OPA1: variants seen among roughly 807,000 people sequenced by gnomAD.
The protein encoded by OPA1 is OPA1 mitochondrial dynamin like GTPase.
A neutral mutation model predicts 152.9 loss-of-function variants in OPA1; 59 were observed. The observed-to-expected ratio is 0.39, with a 90% CI of 0.31 to 0.48. The LOEUF (loss-of-function observed/expected upper bound fraction) is 0.48. OPA1 is among the 20% of genes least tolerant of loss of function. The probability of loss-of-function intolerance (pLI) is 0.96; values close to 1 mark genes in which losing one functional copy is unlikely to be tolerated. For synonymous variants in OPA1, 400 were observed against 389.9 expected (o/e 1.03, Z -0.31); for missense variants, 1,008 against 1,216.8 (o/e 0.83, Z 2.55).
Position 193,645,561 on chromosome 3 carries a change from G to C in OPA1, c.1617G>C (p.Gln539His). 1 of 1,612,014 alleles carries C rather than the reference G, an allele frequency of 6.2e-7. No individual in the cohort carries two copies. Among genetic ancestry groups the C allele is most frequent in the South Asian group, 1.1e-5 (1 of 90,954 alleles). Residue 539 changes from glutamine to histidine, a missense_variant, in exon 17 of 31, where the codon CAG becomes CAC. By Grantham distance (24) the Gln-to-His change is conservative. Around this residue, in one of 7 missense-constraint regions of OPA1, gnomAD observed 213 missense variants for 291.4 expected, o/e 0.73. Transcript: ENST00000361510. ...KNVASPSRIQQIIEGKLFPMK... is the reference protein window; with the variant it reads ...KNVASPSRIQHIIEGKLFPMK... ...CCCACTTTTAAAAATAGATTCAGCA[G>C]ATAATTGAAGGAAAGCTCTTCCCAA...
intron 16 of OPA1, 101 bp downstream of exon 16, chr3:193,644,206 AC>A: frequency 1.5e-6 from 2 of 1,318,304 alleles, no homozygotes; most frequent in Admixed American, 1.7e-5. Flanking sequence ...ACAAAAAAAC[AC>A]CTTACAACTA....
chr3:193,662,727 T>C, intron 25 of OPA1, 95 bp from the exon 26 acceptor site: 1 of 978,392 alleles, frequency 1.0e-6, no homozygotes, highest in Admixed American at 2.2e-5. Context: ...TGTTATCTTT[T>C]ATGCAATAGT....
chr3:193,655,014 A>G lies in OPA1; in HGVS notation c.2165A>G (p.Asn722Ser), dbSNP rs745367183. Residue 722 changes from asparagine to serine, a missense_variant, in exon 22 of 31, where the codon AAT (asparagine) becomes AGT (serine). By Grantham distance (46) the Asn-to-Ser change is conservative. Around this residue, in one of 7 missense-constraint regions of OPA1, gnomAD observed 229 missense variants for 269.0 expected, o/e 0.85. Coordinates refer to ENST00000361510, the MANE Select transcript of OPA1 (RefSeq NM_130837.3). ...LKQWTDKQLPNKAVEVAWETL... is the reference protein window; with the variant it reads ...LKQWTDKQLPSKAVEVAWETL... The stretch of plus-strand genomic sequence containing the variant: ...CAGTGGACTGATAAACAACTTCCTA[A>G]TAAAGCAGTAGAGGTTAGGATATAA... 1 of 1,613,850 alleles carries G rather than the reference A, an allele frequency of 6.2e-7. No homozygotes were observed. Among genetic ancestry groups the G allele is most frequent in the Non-Finnish European group, 8.5e-7 (1 of 1,179,844 alleles).
chr3:193,596,880 G>C (rs994452086), intron 1 of OPA1: 3 of 152,200 alleles, frequency 2.0e-5, no homozygotes, highest in African/African-American at 7.2e-5. Context: ...ACAGGCTGCG[G>C]CTTGTGAATT....
chr3:193,638,746 C>A (rs987736215), intron 11 of OPA1, among the ~76,000 whole-genome samples: 1 of 152,148 alleles, frequency 6.6e-6, no homozygotes, highest in Non-Finnish European at 1.5e-5. Flanking sequence ...TAGGATTTGA[C>A]ATTTTCAGCT....
chr3:193,599,463 C>T (rs1726133644), intron 1 of OPA1, among the ~76,000 whole-genome samples: 3 of 149,286 alleles, frequency 2.0e-5, no homozygotes, highest in Admixed American at 1.3e-4. Context: ...ATTTATTAAA[C>T]CTCCATCACA....
intron 30 of OPA1, 39 bp downstream of exon 30, chr3:193,692,171 A>G (rs1458266265): frequency 9.7e-7 from 1 of 1,033,686 alleles, no homozygotes. Context: ...TGCTGACTAA[A>G]TACAAAATTA....
At chr3:193,667,827 A>G (rs1393325295) in intron 29 of OPA1, among the ~76,000 whole-genome samples, 1 of 152,194 alleles carries the variant, frequency 6.6e-6, no homozygotes, top group Non-Finnish European at 1.5e-5. Flanking sequence ...GATAAATTAC[A>G]ATATCTAATT....
chr3:193,619,304 A>G (rs536845523), intron 6 of OPA1, among the ~76,000 whole-genome samples: 5 of 152,304 alleles, frequency 3.3e-5, no homozygotes, highest in South Asian at 2.1e-4. Flanking sequence ...TGAATTTCCA[A>G]GGAGTCAAAG....
intron 1 of OPA1, among the ~76,000 whole-genome samples, chr3:193,599,539 G>T (rs1044498270): frequency 2.0e-5 from 3 of 151,984 alleles, no homozygotes; most frequent in Non-Finnish European, 4.4e-5. Flanking sequence ...GGAGGAAGTG[G>T]CAGGGAGTCC....
At position 193,668,272 on chromosome 3, in the gene OPA1, A is replaced by G. The variant is rs761142169; in HGVS notation, c.2983+992A>G. On this transcript the variant is annotated intron_variant, in intron 29 of 30. Transcript: ENST00000361510. Reference sequence around the variant, plus strand: ...TTCATATTTTGGTCAGTCCTCCTATACGTAACCCAACTTGAATGAAGATAT... The same window carrying G: ...TTCATATTTTGGTCAGTCCTCCTATGCGTAACCCAACTTGAATGAAGATAT... 4 of 1,459,376 alleles carry G rather than the reference A, an allele frequency of 2.7e-6. No individual in the cohort carries two copies. The South Asian group carries it at 5.0e-5, about 18-fold the overall frequency. The allele number at this position is 1,459,376 out of a possible 1,614,324, so 90.4% of individuals were successfully genotyped here.
intron 1 of OPA1, among the ~76,000 whole-genome samples, chr3:193,610,629 C>A (rs1577142531): frequency 6.6e-6 from 1 of 152,224 alleles, no homozygotes; most frequent in Non-Finnish European, 1.5e-5. Context: ...GCCCTGCCTG[C>A]AGAGGTGGAG....
At chr3:193,594,756 T>A (rs546209268) in intron 1 of OPA1, among the ~76,000 whole-genome samples, 1 of 152,184 alleles carries the variant, frequency 6.6e-6, no homozygotes, top group Non-Finnish European at 1.5e-5. Flanking sequence ...TAGTTAACAG[T>A]GTTAGTCAGT....
chr3:193,619,001 T>C, intron 6 of OPA1, 65 bp downstream of exon 6: 1 of 1,256,270 alleles, frequency 8.0e-7, no homozygotes, highest in South Asian at 1.2e-5. Flanking sequence ...TTTTACTTCT[T>C]TGGAAGATTT....
At chr3:193,680,128 A>G (rs924535892) in intron 29 of OPA1, among the ~76,000 whole-genome samples, 8 of 152,216 alleles carry the variant, frequency 5.3e-5, no homozygotes, top group African/African-American at 1.9e-4. Context: ...CTAATTCATA[A>G]TTTTATTAAA....
At chr3:193,593,487 A>C in intron 1 of OPA1, 78 bp downstream of exon 1, 1 of 1,363,536 alleles carries the variant, frequency 7.3e-7, no homozygotes, top group Non-Finnish European at 9.7e-7. Context: ...TATCTCCAAA[A>C]ATGTGCAGGT....
At chr3:193,611,146 C>G (rs1577144519) in intron 1 of OPA1, among the ~76,000 whole-genome samples, 1 of 152,214 alleles carries the variant, frequency 6.6e-6, no homozygotes, top group Non-Finnish European at 1.5e-5. Context: ...GAGCTGTAGA[C>G]TGGAGCTGTT....
chr3:193,677,779 A>G (rs181617658), intron 29 of OPA1, among the ~76,000 whole-genome samples: 242 of 152,304 alleles, frequency 1.6e-3, no homozygotes, highest in African/African-American at 5.3e-3. Flanking sequence ...TAATTATCCT[A>G]TTCATGGAAA....
At chr3:193,593,950 G>T (rs914327796) in intron 1 of OPA1, among the ~76,000 whole-genome samples, 1 of 152,086 alleles carries the variant, frequency 6.6e-6, no homozygotes. Flanking sequence ...GAGCAATGAC[G>T]CACACGGTGT....
Sources: allele counts gnomAD v4.1 joint callset (sites outside exome capture counted in the v4.1 genomes callset), GRCh38; gene constraint gnomAD v4.1.1; regional missense constraint gnomAD v4.1.1; transcripts MANE v1.5; gene names NCBI Gene and HGNC (gene_info 2026-07-23, HGNC 2026-07-21).